The following CNOT4 variants were observed in gnomAD, a reference collection of about 807,000 sequenced individuals.
CNOT4 encodes the protein CCR4-NOT transcription complex subunit 4, also known as CCR4-associated factor 4.
In CNOT4, 8 loss-of-function variants were observed where a neutral mutation model predicts 73.8. The ratio of observed to expected loss-of-function variants is 0.11; its 90% CI spans 0.06 to 0.20. The LOEUF is 0.20. Among genes scored for constraint, CNOT4 ranks in the 10% least tolerant of loss-of-function variants. The pLI is 1.00. For synonymous variants in CNOT4, 293 were observed against 321.1 expected, an observed-to-expected ratio of 0.91 and a Z score of 0.94; for missense variants, 564 against 883.4, an observed-to-expected ratio of 0.64 and a Z score of 4.58.
At chr7:135,416,783 T>C (rs1797898499) in intron 3 of CNOT4, among the ~76,000 whole-genome samples, 1 of 152,094 alleles carries the variant, frequency 6.6e-6, no homozygotes, top group Non-Finnish European at 1.5e-5. Context: ...TTGTGGAAAC[T>C]TTTATTGGGA....
intron 1 of CNOT4, among the ~76,000 whole-genome samples, chr7:135,496,134 C>A (rs1387320154): frequency 1.3e-5 from 2 of 151,600 alleles, no homozygotes; most frequent in African/African-American, 4.8e-5. Flanking sequence ...ACTCCGTCAC[C>A]CAGGCTGGAG....
At chr7:135,430,422 G>A (rs1374413297) in intron 2 of CNOT4, among the ~76,000 whole-genome samples, 2 of 152,276 alleles carry the variant, frequency 1.3e-5, no homozygotes, top group South Asian at 2.1e-4. Context: ...AGGAACACCT[G>A]AGGGCAGTAG....
At chr7:135,383,139 T>C (rs1795937862) in intron 10 of CNOT4, among the ~76,000 whole-genome samples, 1 of 152,214 alleles carries the variant, frequency 6.6e-6, no homozygotes, top group Non-Finnish European at 1.5e-5. Flanking sequence ...CCTTAATTCT[T>C]ATTTGATATA....
intron 7 of CNOT4, among the ~76,000 whole-genome samples, chr7:135,400,773 A>G (rs2129483647): frequency 6.6e-6 from 1 of 152,320 alleles, no homozygotes; most frequent in South Asian, 2.1e-4. Flanking sequence ...TATCTATCCG[A>G]TAATAGCTGC....
At chr7:135,440,193 C>A (rs1799389748) in intron 1 of CNOT4, among the ~76,000 whole-genome samples, 1 of 146,672 alleles carries the variant, frequency 6.8e-6, no homozygotes, top group South Asian at 2.2e-4. Flanking sequence ...ATAAAGAAAT[C>A]CTACAAAGCA....
At chr7:135,392,203 A>G (rs1302642655) in intron 10 of CNOT4, among the ~76,000 whole-genome samples, 1 of 152,090 alleles carries the variant, frequency 6.6e-6, no homozygotes. Context: ...GATGTCTCTC[A>G]GATTCCAGTA....
At chr7:135,430,112 C>G (rs948791539) in intron 2 of CNOT4, among the ~76,000 whole-genome samples, 25 of 152,154 alleles carry the variant, frequency 1.6e-4, no homozygotes, top group African/African-American at 5.6e-4. Flanking sequence ...AAAAAGAATA[C>G]CAATGACACG....
intron 2 of CNOT4, among the ~76,000 whole-genome samples, chr7:135,427,110 C>G (rs73158935): frequency 1.1e-3 from 166 of 152,192 alleles, no homozygotes; most frequent in Non-Finnish European, 2.0e-3. Flanking sequence ...AGATATAACA[C>G]TATTTTTAAT....
chr7:135,453,163 T>C (rs1223678641), intron 1 of CNOT4, among the ~76,000 whole-genome samples: 1 of 152,168 alleles, frequency 6.6e-6, no homozygotes, highest in East Asian at 1.9e-4. Context: ...ATTAGTCTTT[T>C]TAGAGATACT....
intron 1 of CNOT4, among the ~76,000 whole-genome samples, chr7:135,504,462 A>ATTTTTTTTTTTTTTTTTTTTT (rs34100799): frequency 1.8e-5 from 1 of 55,940 alleles, no homozygotes; most frequent in African/African-American, 9.4e-5. Flanking sequence ...CATCCGGCTA[A>ATTTTTTTTTTTTTTTTTTTTT]TTTTTTTTTT....
At chr7:135,472,184 T>C (rs552374793) in intron 1 of CNOT4, among the ~76,000 whole-genome samples, 2 of 141,508 alleles carry the variant, frequency 1.4e-5, no homozygotes, top group Non-Finnish European at 3.1e-5. Context: ...AAAATACATA[T>C]ATAAATATAC....
chr7:135,509,302 G>C (rs1414772188), intron 1 of CNOT4: 1 of 152,386 alleles, frequency 6.6e-6, no homozygotes, highest in African/African-American at 2.4e-5. Flanking sequence ...ATCGGAAGCA[G>C]CTCTAGTGTG....
chr7:135,437,071 C>T (rs1384521478), intron 2 of CNOT4, among the ~76,000 whole-genome samples: 1 of 152,198 alleles, frequency 6.6e-6, no homozygotes, highest in Admixed American at 6.5e-5. Flanking sequence ...GGCAGTCCTA[C>T]CTATCCTAGT....
intron 1 of CNOT4, among the ~76,000 whole-genome samples, chr7:135,484,231 T>C (rs919754787): frequency 3.3e-5 from 5 of 151,598 alleles, no homozygotes; most frequent in African/African-American, 1.2e-4. Context: ...AAAAGAAAAA[T>C]AGTATATTTT....
In CNOT4 at chr7:135,362,847, G is replaced by C. The variant is rs1389987099; in HGVS notation, c.*38C>G. 8 of 1,568,730 alleles carry C rather than the reference G, an allele frequency of 5.1e-6. No homozygotes were observed. The highest frequency in any genetic ancestry group is 7.0e-6 in the Non-Finnish European group (8 of 1,138,692). On this transcript the variant is annotated 3_prime_UTR_variant, in exon 12 of 12. Transcript: ENST00000541284. Reference sequence around the variant, plus strand: ...GGCTGAGAGGGAGAAAACAGAGTGGGACAAATCCTGCATTTTCTAATGGTT... The same window carrying C: ...GGCTGAGAGGGAGAAAACAGAGTGGCACAAATCCTGCATTTTCTAATGGTT...
In CNOT4 at chr7:135,510,053, G is replaced by A; in HGVS notation, c.-257C>T. 1 of 399,188 alleles carries A rather than the reference G, an allele frequency of 2.5e-6. No homozygotes were observed. The highest frequency in any genetic ancestry group is 4.4e-6 in the Non-Finnish European group (1 of 226,176). The allele number at this position is 399,188 out of a possible 1,614,324, so 24.7% of individuals were successfully genotyped here. On this transcript the variant is annotated 5_prime_UTR_variant, in exon 1 of 12. Coordinates refer to ENST00000541284, the MANE Select transcript of CNOT4 (RefSeq NM_001190850.2). Reference sequence around the variant, plus strand: ...AGAGAGAGACTCTCAGCTTTCGGTGGGTTCCACAGCCAGACGGGCCACCAT... The same window carrying A: ...AGAGAGAGACTCTCAGCTTTCGGTGAGTTCCACAGCCAGACGGGCCACCAT...
intron 1 of CNOT4, among the ~76,000 whole-genome samples, chr7:135,486,880 GAGCCAACAGAA>G (rs1311175964): frequency 1.3e-5 from 2 of 152,098 alleles, no homozygotes; most frequent in African/African-American, 4.8e-5. Context: ...TAGGTCTAGA[GAGCCAACAGAA>G]ATCAGTCCTA....
intron 1 of CNOT4, among the ~76,000 whole-genome samples, chr7:135,443,734 A>G (rs374494066): frequency 1.3e-5 from 2 of 152,370 alleles, no homozygotes; most frequent in African/African-American, 4.8e-5. Flanking sequence ...CATACCATGT[A>G]GTAAGTACAC....
At chr7:135,433,815 A>G (rs1304852209) in intron 2 of CNOT4, among the ~76,000 whole-genome samples, 1 of 152,218 alleles carries the variant, frequency 6.6e-6, no homozygotes, top group Non-Finnish European at 1.5e-5. Context: ...ATGTTCCCAT[A>G]TCTGCTGTTT....
Sources: allele counts gnomAD v4.1 joint callset (sites outside exome capture counted in the v4.1 genomes callset), GRCh38; gene constraint gnomAD v4.1.1; transcripts MANE v1.5; gene names NCBI Gene and HGNC (gene_info 2026-07-23, HGNC 2026-07-21).